The following BAIAP2L1 variants were observed in gnomAD, a reference collection of about 807,000 sequenced individuals.
The protein encoded by BAIAP2L1 is BAR/IMD domain containing adaptor protein 2 like 1, also known as BAR/IMD domain-containing adapter protein 2-like 1.
Under a neutral mutation model 66.3 loss-of-function variants are expected in BAIAP2L1, and 35 were observed. The observed-to-expected ratio is 0.53, with a 90% CI of 0.40 to 0.70. BAIAP2L1 has a LOEUF of 0.70. BAIAP2L1 is among the 30% of genes least tolerant of loss of function. The pLI is 0.00. For missense variants in BAIAP2L1, 622 were observed against 656.9 expected (o/e 0.95, Z 0.58); for synonymous variants, 269 against 248.7 (o/e 1.08, Z -0.77).
At chr7:98,392,296 G>A (rs971976784) in intron 1 of BAIAP2L1, among the ~76,000 whole-genome samples, 2 of 151,982 alleles carry the variant, frequency 1.3e-5, no homozygotes, top group African/African-American at 4.8e-5. Flanking sequence ...AGTAAGCTGA[G>A]ATCGCGCCAT....
intron 3 of BAIAP2L1, among the ~76,000 whole-genome samples, chr7:98,353,286 C>G (rs931438079): frequency 1.4e-5 from 2 of 146,992 alleles, no homozygotes; most frequent in Non-Finnish European, 3.0e-5. Flanking sequence ...GCCAAGAGTT[C>G]AAGACCAACC....
At position 98,292,323 on chromosome 7, in the gene BAIAP2L1, G is replaced by C; in HGVS notation, c.*1198C>G. 2.8e-6 allele frequency: 1 copy of C among 353,512 alleles called. No homozygotes were observed. The highest frequency in any genetic ancestry group is 2.1e-5 in the African/African-American group (1 of 47,448). The allele number at this position is 353,512 out of a possible 1,614,324, so 21.9% of individuals were successfully genotyped here. Reference sequence around the variant, plus strand: ...TGCAACCTCTGCCTCCCGGGTTCAAGTGATTCTCCTGCCTCAGCCTCCTGA... The same window carrying C: ...TGCAACCTCTGCCTCCCGGGTTCAACTGATTCTCCTGCCTCAGCCTCCTGA... On this transcript the variant is annotated 3_prime_UTR_variant, in exon 14 of 14. Coordinates refer to ENST00000005260, the MANE Select transcript of BAIAP2L1 (RefSeq NM_018842.5).
At chr7:98,325,791 G>C (rs1173133117) in intron 3 of BAIAP2L1, among the ~76,000 whole-genome samples, 1 of 152,242 alleles carries the variant, frequency 6.6e-6, no homozygotes, top group Non-Finnish European at 1.5e-5. Flanking sequence ...GGAAGTAAAA[G>C]CAAACCGCTC....
chr7:98,332,871 C>G lies in BAIAP2L1; in HGVS notation c.215-12573G>C, dbSNP rs1051059849. ...CTCCTCAGTTGACAACCTCCAGAAG[C>G]CCCATCTGCACCCGGGGTTAAGAGG... On this transcript the variant is annotated intron_variant, in intron 3 of 13. Transcript: ENST00000005260. Among the ~76,000 whole-genome samples the G allele has an allele frequency of 1.3e-4, 20 of 150,110 alleles. 1 individual carries two copies. The Admixed American group carries it at 1.3e-3, about 10-fold the overall frequency.
intron 1 of BAIAP2L1, among the ~76,000 whole-genome samples, chr7:98,388,212 T>C (rs1348618897): frequency 6.6e-6 from 1 of 152,206 alleles, no homozygotes; most frequent in East Asian, 1.9e-4. Context: ...CTAGGAGCTA[T>C]TATCATCCTT....
At chr7:98,357,039 ATATATATATATTTTTT>A (rs1802147099) in intron 2 of BAIAP2L1, among the ~76,000 whole-genome samples, 3 of 17,370 alleles carry the variant, frequency 1.7e-4, no homozygotes, top group African/African-American at 4.4e-4. Context: ...ATATATATAT[ATATATATATATTTTTT>A]TTTTTTTTTT....
intron 5 of BAIAP2L1, among the ~76,000 whole-genome samples, chr7:98,318,173 G>C (rs968464739): frequency 2.0e-5 from 3 of 152,198 alleles, no homozygotes; most frequent in Non-Finnish European, 2.9e-5. Context: ...TGTTCTAAAG[G>C]TTACTGTTTA....
chr7:98,321,759 C>G (rs1801253638), intron 3 of BAIAP2L1, among the ~76,000 whole-genome samples: 1 of 152,118 alleles, frequency 6.6e-6, no homozygotes, highest in Non-Finnish European at 1.5e-5. Context: ...CGACCAACAG[C>G]AAGATGTGCC....
chr7:98,359,273 CTT>C (rs998408583), intron 2 of BAIAP2L1, among the ~76,000 whole-genome samples: 21 of 139,204 alleles, frequency 1.5e-4, no homozygotes, highest in African/African-American at 1.1e-4. Flanking sequence ...TACTTGCTGT[CTT>C]TTTTTTTTTT....
At chr7:98,330,466 G>A (rs1584461608) in intron 3 of BAIAP2L1, among the ~76,000 whole-genome samples, 1 of 151,986 alleles carries the variant, frequency 6.6e-6, no homozygotes, top group South Asian at 2.1e-4. Flanking sequence ...TAGACCAGCT[G>A]GACCAACATG....
At chr7:98,353,518 C>A (rs891232998) in intron 3 of BAIAP2L1, among the ~76,000 whole-genome samples, 1 of 131,358 alleles carries the variant, frequency 7.6e-6, no homozygotes, top group South Asian at 2.2e-4. Context: ...TATAAATACA[C>A]ATATATTTAT....
chr7:98,310,224 G>A, intron 9 of BAIAP2L1: 1 of 512,748 alleles, frequency 2.0e-6, no homozygotes, highest in Non-Finnish European at 3.4e-6. Flanking sequence ...GCGTAGAACT[G>A]GTAAATGTCA....
chr7:98,386,249 C>A, intron 1 of BAIAP2L1: 2 of 1,587,666 alleles, frequency 1.3e-6, no homozygotes, highest in African/African-American at 1.3e-5. Context: ...CATTTTTTGA[C>A]CATGGAACAC....
chr7:98,332,849 C>G (rs982596317), intron 3 of BAIAP2L1, among the ~76,000 whole-genome samples: 2 of 151,462 alleles, frequency 1.3e-5, no homozygotes, highest in East Asian at 3.9e-4. Context: ...GGCATCTCTC[C>G]TCAGTTGACA....
intron 12 of BAIAP2L1, among the ~76,000 whole-genome samples, chr7:98,302,172 A>G (rs1271001591): frequency 2.6e-5 from 4 of 152,192 alleles, no homozygotes; most frequent in African/African-American, 9.7e-5. Flanking sequence ...GATACTTACA[A>G]CCAGGCTTCT....
At chr7:98,353,943 CAG>C (rs1487439871) in intron 3 of BAIAP2L1, among the ~76,000 whole-genome samples, 2 of 148,880 alleles carry the variant, frequency 1.3e-5, no homozygotes, top group African/African-American at 2.5e-5. Flanking sequence ...GCCTGGGTGA[CAG>C]AGCAAGACTC....
At chr7:98,352,147 C>T (rs1249886551) in intron 3 of BAIAP2L1, among the ~76,000 whole-genome samples, 1 of 151,554 alleles carries the variant, frequency 6.6e-6, no homozygotes, top group Admixed American at 6.6e-5. Flanking sequence ...TACGGGGTGC[C>T]TTTTTAGTCT....
chr7:98,293,587 GT>G lies in BAIAP2L1; in HGVS notation c.1469del (p.Asn490ThrfsTer6). ...GGCGGAGTTTCACAGTGGCAAAGGG[GT>G]TTTCTCCGCTGCAGGGGATAAGAAA... ...TAKPPFLSGE[N>X]PFATVKLRPT... is the part of the protein sequence containing the mutation. On this transcript the variant is annotated frameshift_variant, in exon 14 of 14. Coordinates refer to ENST00000005260, the MANE Select transcript of BAIAP2L1 (RefSeq NM_018842.5). LOFTEE classifies it high-confidence loss of function. The G allele has an allele frequency of 1.9e-6, 3 of 1,613,756 alleles. No homozygotes were observed. Among genetic ancestry groups the G allele is most frequent in the Non-Finnish European group, 2.5e-6 (3 of 1,179,732 alleles).
chr7:98,295,219 A>G (rs1191181558), intron 12 of BAIAP2L1, among the ~76,000 whole-genome samples: 1 of 152,192 alleles, frequency 6.6e-6, no homozygotes, highest in Admixed American at 6.5e-5. Flanking sequence ...GATGGCCTCC[A>G]CTGCATGTTG....
Sources: allele counts gnomAD v4.1 joint callset (sites outside exome capture counted in the v4.1 genomes callset), GRCh38; gene constraint gnomAD v4.1.1; transcripts MANE v1.5; gene names NCBI Gene and HGNC (gene_info 2026-07-23, HGNC 2026-07-21).